ZNF516: variants seen among roughly 807,000 people sequenced by gnomAD.
ZNF516 encodes the protein zinc finger protein 516.
A neutral mutation model predicts 79.7 loss-of-function variants in ZNF516; 19 were observed. The ratio of observed to expected loss-of-function variants is 0.24; its 90% CI spans 0.17 to 0.35. The LOEUF (loss-of-function observed/expected upper bound fraction) is 0.35, where lower values mean the gene tolerates loss of function less well. ZNF516 is among the 10% of genes least tolerant of loss of function. ZNF516 has a pLI of 1.00. For synonymous variants in ZNF516, 877 were observed against 739.5 expected, an observed-to-expected ratio of 1.19 and a Z score of -3.02; for missense variants, 1,678 against 1,679.5, an observed-to-expected ratio of 1.00 and a Z score of 0.02.
chr18:76,418,193 A>T, intron 3 of ZNF516, among the ~76,000 whole-genome samples: 1 of 148,712 alleles, frequency 6.7e-6, no homozygotes, highest in Non-Finnish European at 1.5e-5. Context: ...ACATGCTATA[A>T]CACACTGTAA....
rs531158367 is a variant in ZNF516, at chr18:76,379,941, C to T, written c.2173G>A (p.Ala725Thr). Residue 725 changes from alanine (A) to threonine (T), a missense_variant, in exon 4 of 7, where the codon GCG becomes ACG. Physicochemically the swap from Ala to Thr is moderately conservative, Grantham distance 58. This residue lies in a region of ZNF516 where 1,294 missense variants were observed against 1,248.3 expected (regional missense o/e 1.04). Transcript: ENST00000443185. The part of the protein sequence containing the change: ...NKEHSGGGKR[A>T]LAPDLMPLDL... ...AGCGGCATGAGGTCTGGGGCCAGCG[C>T]CCGCTTCCCTCCCCCAGAGTGTTCC... is the stretch of plus-strand genomic sequence containing the variant. The T allele has an allele frequency of 2.7e-5, 43 of 1,613,986 alleles. No individual in the cohort carries two copies. The South Asian group carries it at 3.8e-4, about 14-fold the overall frequency.
intron 3 of ZNF516, chr18:76,385,988 C>T (rs2074985900): frequency 6.6e-6 from 1 of 152,338 alleles, no homozygotes; most frequent in Admixed American, 6.5e-5. Flanking sequence ...CATCCCCATG[C>T]TCTCTCTGCA....
At chr18:76,455,957 A>G (rs1231889826) in intron 2 of ZNF516, among the ~76,000 whole-genome samples, 1 of 152,188 alleles carries the variant, frequency 6.6e-6, no homozygotes, top group Non-Finnish European at 1.5e-5. Flanking sequence ...TGACAGCCAG[A>G]GAGACCATTG....
In ZNF516 at chr18:76,442,811, G is replaced by A; in HGVS notation, c.244C>T (p.Arg82Trp). ...ATCAGAGTCCCCGTGCGGTGGCTCC[G>A]GATGTGAATCTTCAGGTTGCCCTTC... The part of the protein sequence containing the change: ...SQKGNLKIHI[R>W]SHRTGTLIQG... The change falls in exon 3 of 7, where the codon CGG becomes TGG. Residue 82 changes from arginine (R) to tryptophan (W), a missense_variant. Coordinates refer to ENST00000443185, the MANE Select transcript of ZNF516 (RefSeq NM_014643.4). 3.7e-6 allele frequency: 6 copies of A among 1,611,392 alleles called. No homozygotes were observed. The highest frequency in any genetic ancestry group is 5.1e-6 in the Non-Finnish European group (6 of 1,178,788).
chr18:76,407,253 C>CAAAA (rs2075315514), intron 3 of ZNF516, among the ~76,000 whole-genome samples: 2 of 152,038 alleles, frequency 1.3e-5, no homozygotes, highest in Non-Finnish European at 2.9e-5. Context: ...AACAGAGACC[C>CAAAA]CATCTCCACA....
intron 3 of ZNF516, among the ~76,000 whole-genome samples, chr18:76,423,881 G>T (rs757321930): frequency 2.1e-5 from 3 of 143,522 alleles, no homozygotes; most frequent in Non-Finnish European, 4.5e-5. Flanking sequence ...CAGGTGAAAA[G>T]GTTCCCCCGA....
At chr18:76,490,208 G>T (rs1330172499) in intron 1 of ZNF516, 9 of 985,164 alleles carry the variant, frequency 9.1e-6, no homozygotes, top group Non-Finnish European at 1.1e-5. Context: ...AATTAAAGAC[G>T]TCCTCCTACA....
intron 1 of ZNF516, among the ~76,000 whole-genome samples, chr18:76,471,917 G>T (rs2145731178): frequency 6.6e-6 from 1 of 152,294 alleles, no homozygotes; most frequent in African/African-American, 2.4e-5. Context: ...TGTCCCTGCA[G>T]GGTCCTACCC....
At chr18:76,488,055 C>CCA (rs1914933157) in intron 1 of ZNF516, 1 of 985,256 alleles carries the variant, frequency 1.0e-6, no homozygotes, top group Non-Finnish European at 1.2e-6. Flanking sequence ...TCCACAGCCC[C>CCA]CACCTCCATC....
chr18:76,452,481 C>A (rs1436903448), intron 2 of ZNF516, among the ~76,000 whole-genome samples: 1 of 152,192 alleles, frequency 6.6e-6, no homozygotes, highest in Non-Finnish European at 1.5e-5. Flanking sequence ...CAGCCTTCTC[C>A]GGCTCTGCAC....
intron 1 of ZNF516, among the ~76,000 whole-genome samples, chr18:76,481,506 A>G (rs1319596957): frequency 6.6e-6 from 1 of 152,194 alleles, no homozygotes; most frequent in Non-Finnish European, 1.5e-5. Context: ...AACAAGCATG[A>G]CCAGGGTCGG....
intron 1 of ZNF516, among the ~76,000 whole-genome samples, chr18:76,468,226 C>A (rs1913608506): frequency 6.6e-6 from 1 of 152,184 alleles, no homozygotes; most frequent in African/African-American, 2.4e-5. Flanking sequence ...TTGGCAGTGT[C>A]CTACAATACT....
intron 3 of ZNF516, among the ~76,000 whole-genome samples, chr18:76,415,485 T>C (rs1426133913): frequency 1.3e-5 from 2 of 152,158 alleles, no homozygotes; most frequent in East Asian, 3.9e-4. Flanking sequence ...AGTGGATGTA[T>C]ATTCCATGAT....
At chr18:76,490,874 C>A in intron 1 of ZNF516, 1 of 985,524 alleles carries the variant, frequency 1.0e-6, no homozygotes, top group Non-Finnish European at 1.2e-6. Flanking sequence ...CCAACGCCCA[C>A]GGGCACATCT....
rs750740168 is a variant in ZNF516 at position 76,442,626 on chromosome 18, G to A, written c.429C>T (p.Ala143=). The A allele has an allele frequency of 3.3e-5, 52 of 1,595,808 alleles. No homozygotes were observed. Among genetic ancestry groups the A allele is most frequent in the Non-Finnish European group, 3.9e-5 (46 of 1,177,820 alleles). The part of the protein sequence containing the change: ...QADGARVLNG[A]SQADSGRVLL... Reference sequence around the variant, plus strand: ...GGACTCTGCCGCTGTCGGCCTGCGAGGCCCCGTTCAGGACCCTGGCGCCGT... The same window carrying A: ...GGACTCTGCCGCTGTCGGCCTGCGAAGCCCCGTTCAGGACCCTGGCGCCGT... Residue 143 remains alanine, a synonymous_variant, in exon 3 of 7, where the codon GCC becomes GCT. Transcript: ENST00000443185.
At chr18:76,391,186 A>G (rs1034368948) in intron 3 of ZNF516, among the ~76,000 whole-genome samples, 2 of 152,290 alleles carry the variant, frequency 1.3e-5, no homozygotes, top group East Asian at 3.9e-4. Flanking sequence ...TCTGCACTTT[A>G]GGAAACACGC....
intron 3 of ZNF516, among the ~76,000 whole-genome samples, chr18:76,403,256 G>A (rs1016109732): frequency 6.6e-6 from 1 of 152,124 alleles, no homozygotes; most frequent in Non-Finnish European, 1.5e-5. Flanking sequence ...CCTTGCCCAG[G>A]GCTGCCTGCA....
intron 3 of ZNF516, among the ~76,000 whole-genome samples, chr18:76,410,201 T>C (rs1275531650): frequency 2.6e-5 from 4 of 152,194 alleles, no homozygotes; most frequent in Non-Finnish European, 5.9e-5. Flanking sequence ...CTGCCAGTGC[T>C]GGCTGGCAAG....
In ZNF516 at chr18:76,380,275, G is replaced by A. The variant is rs371171118; in HGVS notation, c.1839C>T (p.Ser613=). The change falls in exon 4 of 7, where the codon TCC becomes TCT. Residue 613 remains serine, a synonymous_variant. Coordinates refer to ENST00000443185, the MANE Select transcript of ZNF516 (RefSeq NM_014643.4). ...PGGQPRRCCF[S]EEVTSTELSS... is the part of the protein sequence containing the mutation. ...AGAGCTCGGTCGAAGTCACCTCTTC[G>A]GAAAAGCAGCAGCGGCGCGGCTGTC... 4.8e-5 allele frequency: 78 copies of A among 1,613,576 alleles called. No homozygotes were observed. In the African/African-American group the frequency reaches 6.9e-4, roughly 14 times the overall value.
Sources: allele counts gnomAD v4.1 joint callset (sites outside exome capture counted in the v4.1 genomes callset), GRCh38; gene constraint gnomAD v4.1.1; regional missense constraint gnomAD v4.1.1; transcripts MANE v1.5; gene names NCBI Gene and HGNC (gene_info 2026-07-23, HGNC 2026-07-21).